The following ASTN2 variants were observed in gnomAD, a reference collection of about 807,000 sequenced individuals.
ASTN2 encodes the protein astrotactin-2.
In ASTN2, 54 loss-of-function variants were observed where a neutral mutation model predicts 139.8. The ratio of observed to expected loss-of-function variants is 0.39; its 90% CI spans 0.31 to 0.48. The LOEUF is 0.48. Among genes scored for constraint, ASTN2 ranks in the 20% least tolerant of loss-of-function variants. ASTN2 has a pLI of 0.95. For missense variants in ASTN2, 1,565 were observed against 1,725.1 expected (o/e 0.91, Z 1.64); for synonymous variants, 756 against 719.5 (o/e 1.05, Z -0.81).
intron 19 of ASTN2, among the ~76,000 whole-genome samples, chr9:116,567,591 G>A (rs1242919327): frequency 1.3e-5 from 2 of 152,154 alleles, no homozygotes; most frequent in Non-Finnish European, 2.9e-5. Flanking sequence ...AATGGCCTTG[G>A]AGGACCCTTC....
chr9:117,394,166 T>A (rs950622578), intron 1 of ASTN2, among the ~76,000 whole-genome samples: 1 of 152,100 alleles, frequency 6.6e-6, no homozygotes, highest in Non-Finnish European at 1.5e-5. Context: ...ACCTATTCAA[T>A]AACAGATTCT....
At chr9:116,530,128 TATATATATATATATATATATATAA>T (rs1477587770) in intron 19 of ASTN2, among the ~76,000 whole-genome samples, 3,662 of 36,604 alleles carry the variant, frequency 0.1, 264 homozygotes, top group Middle Eastern at 0.22. Flanking sequence ...TATATATATA[TATATATATATATATATATATATAA>T]AATAGAATAT....
chr9:116,561,115 T>A (rs577401136), intron 19 of ASTN2, among the ~76,000 whole-genome samples: 1 of 152,212 alleles, frequency 6.6e-6, no homozygotes, highest in South Asian at 2.1e-4. Context: ...AGAGAGAGTG[T>A]GTCCCTGCTT....
intron 10 of ASTN2, among the ~76,000 whole-genome samples, chr9:116,903,268 A>G (rs976949823): frequency 2.6e-5 from 4 of 152,168 alleles, no homozygotes; most frequent in African/African-American, 9.7e-5. Context: ...AATCTACTGT[A>G]TAATTTACCT....
intron 3 of ASTN2, among the ~76,000 whole-genome samples, chr9:117,212,892 A>G (rs561925898): frequency 2.1e-3 from 324 of 152,308 alleles, no homozygotes; most frequent in Non-Finnish European, 3.8e-3. Flanking sequence ...TCTAAAAACT[A>G]CAAAAAGAAC....
chr9:117,214,416 G>T lies in ASTN2; in HGVS notation c.957C>A (p.Thr319=). Reference sequence around the variant, plus strand: ...GATGTCCCAGACTGTCCAGAGTGTGGGTCACCTGGCTGCCAAACTCGTCCT... The same window carrying T: ...GATGTCCCAGACTGTCCAGAGTGTGTGTCACCTGGCTGCCAAACTCGTCCT... The part of the protein sequence containing the change: ...SREDEFGSQV[T]HTLDSLGHPG... The change falls in exon 3 of 23, where the codon ACC becomes ACA. Residue 319 remains threonine (T), a synonymous_variant. Coordinates refer to ENST00000313400, the MANE Select transcript of ASTN2 (RefSeq NM_001365068.1). 1 of 1,613,936 alleles carries T rather than the reference G, an allele frequency of 6.2e-7. No homozygotes were observed. The highest frequency in any genetic ancestry group is 1.1e-5 in the South Asian group (1 of 91,068).
chr9:117,222,469 A>G (rs1436094617), intron 2 of ASTN2, among the ~76,000 whole-genome samples: 1 of 152,056 alleles, frequency 6.6e-6, no homozygotes, highest in Non-Finnish European at 1.5e-5. Flanking sequence ...CTCCTTTCCC[A>G]CTAGCTCTGT....
chr9:117,104,850 T>C (rs1280016305), intron 4 of ASTN2, among the ~76,000 whole-genome samples: 1 of 152,156 alleles, frequency 6.6e-6, no homozygotes, highest in Non-Finnish European at 1.5e-5. Flanking sequence ...TTTAAACCCA[T>C]TACTCACTTG....
chr9:117,142,245 G>A (rs764626147), intron 3 of ASTN2, among the ~76,000 whole-genome samples: 1 of 152,192 alleles, frequency 6.6e-6, no homozygotes, highest in Non-Finnish European at 1.5e-5. Context: ...GAAAATCTAT[G>A]TGTTCAAATT....
chr9:117,261,561 CA>C (rs1833823550), intron 2 of ASTN2, among the ~76,000 whole-genome samples: 3 of 152,088 alleles, frequency 2.0e-5, no homozygotes, highest in Non-Finnish European at 4.4e-5. Flanking sequence ...AAGTCTGAAA[CA>C]AAAGAATGTT....
intron 20 of ASTN2, among the ~76,000 whole-genome samples, chr9:116,477,388 A>C (rs1391869164): frequency 1.3e-5 from 2 of 151,878 alleles, no homozygotes; most frequent in Non-Finnish European, 1.5e-5. Flanking sequence ...TCCCCTAACC[A>C]ATTAGGACTG....
intron 16 of ASTN2, among the ~76,000 whole-genome samples, chr9:116,679,699 T>A (rs1385878019): frequency 6.6e-6 from 1 of 152,084 alleles, no homozygotes; most frequent in South Asian, 2.1e-4. Flanking sequence ...CAATCAAACT[T>A]GAACTCAGGA....
chr9:117,183,802 C>T (rs959548016), intron 3 of ASTN2, among the ~76,000 whole-genome samples: 4 of 152,190 alleles, frequency 2.6e-5, no homozygotes, highest in Admixed American at 6.5e-5. Flanking sequence ...AACCTACATC[C>T]CCCTTTCCCA....
At chr9:116,539,557 C>A (rs1193800123) in intron 19 of ASTN2, among the ~76,000 whole-genome samples, 1 of 152,156 alleles carries the variant, frequency 6.6e-6, no homozygotes, top group Non-Finnish European at 1.5e-5. Context: ...AAGAACGATG[C>A]ACAGTAGTCC....
chr9:116,886,023 A>G (rs1833587724), intron 10 of ASTN2, among the ~76,000 whole-genome samples: 1 of 152,222 alleles, frequency 6.6e-6, no homozygotes, highest in Admixed American at 6.5e-5. Flanking sequence ...TACTATTTAG[A>G]GAAGGTTGGG....
chr9:117,398,223 G>A lies in ASTN2; in HGVS notation c.442+16274C>T, dbSNP rs148499097. Reference sequence around the variant, plus strand: ...GGGTGGTTTGTAAAGCTGGCTTAATGTTAATTATAAGACGGACAGTAAGAT... The same window carrying A: ...GGGTGGTTTGTAAAGCTGGCTTAATATTAATTATAAGACGGACAGTAAGAT... On this transcript the variant is annotated intron_variant, in intron 1 of 22. Coordinates refer to ENST00000313400, the MANE Select transcript of ASTN2 (RefSeq NM_001365068.1). Among the ~76,000 whole-genome samples, 1,421 of 152,220 alleles carry A rather than the reference G, an allele frequency of 9.3e-3. 26 individuals carry two copies. The highest frequency in any genetic ancestry group is 0.033 in the African/African-American group (1,371 of 41,510).
At chr9:117,234,769 T>A (rs1467954334) in intron 2 of ASTN2, among the ~76,000 whole-genome samples, 2 of 152,164 alleles carry the variant, frequency 1.3e-5, no homozygotes, top group Non-Finnish European at 1.5e-5. Flanking sequence ...CTTTTCTAGG[T>A]CAGGCACGAT....
At chr9:116,666,792 C>T (rs1308990270) in intron 16 of ASTN2, among the ~76,000 whole-genome samples, 2 of 151,908 alleles carry the variant, frequency 1.3e-5, no homozygotes, top group Non-Finnish European at 2.9e-5. Context: ...AAACACTTAG[C>T]TAAATCTGTA....
chr9:117,038,732 G>A (rs972716483), intron 6 of ASTN2, among the ~76,000 whole-genome samples: 1 of 152,148 alleles, frequency 6.6e-6, no homozygotes, highest in African/African-American at 2.4e-5. Flanking sequence ...GCTAAAGACG[G>A]TGATGGCATG....
Sources: gnomAD v4.1 joint callset for allele counts (sites outside exome capture counted in the v4.1 genomes callset) on GRCh38, gnomAD v4.1.1 for gene constraint, MANE v1.5 for transcripts, NCBI Gene and HGNC (gene_info 2026-07-23, HGNC 2026-07-21) for gene names.